Variants in HHAT observed in about 807,000 individuals in gnomAD.
HHAT encodes the protein protein-cysteine N-palmitoyltransferase HHAT.
A neutral mutation model predicts 70.8 loss-of-function variants in HHAT; 47 were observed. That is an observed-to-expected ratio of 0.66 (90% CI 0.53 to 0.85). The LOEUF (loss-of-function observed/expected upper bound fraction) is 0.85, where lower values mean the gene tolerates loss of function less well. HHAT is among the 40% of genes least tolerant of loss of function. HHAT has a pLI of 0.00. For missense variants in HHAT, 609 were observed against 604.8 expected (o/e 1.01, Z -0.07); for synonymous variants, 228 against 247.6 (o/e 0.92, Z 0.74).
intron 4 of HHAT, among the ~76,000 whole-genome samples, chr1:210,394,571 G>GGT (rs1482415114): frequency 2.0e-5 from 3 of 152,146 alleles, no homozygotes; most frequent in Admixed American, 2.0e-4. Context: ...AGACTGGCCT[G>GGT]GTGTAGGGTT....
intron 8 of HHAT, among the ~76,000 whole-genome samples, chr1:210,492,671 T>C (rs61828076): frequency 0.51 from 76,803 of 151,950 alleles, 19,719 homozygotes; most frequent in African/African-American, 0.59. Flanking sequence ...CACTTACTTA[T>C]TCTGTATTGT....
chr1:210,539,900 G>A (rs376507062), intron 9 of HHAT, among the ~76,000 whole-genome samples: 1 of 152,174 alleles, frequency 6.6e-6, no homozygotes, highest in African/African-American at 2.4e-5. Context: ...CTTCCTACAA[G>A]GGCATTCTCA....
chr1:210,616,870 A>G (rs4488079), intron 10 of HHAT, among the ~76,000 whole-genome samples: 25,097 of 152,272 alleles, frequency 0.16, 2,416 homozygotes, highest in East Asian at 0.39. Context: ...AGCTGCTCAC[A>G]CAGTGAATTT....
At chr1:210,598,311 G>A (rs1663473908) in intron 10 of HHAT, among the ~76,000 whole-genome samples, 1 of 151,948 alleles carries the variant, frequency 6.6e-6, no homozygotes, top group South Asian at 2.1e-4. Flanking sequence ...GACGGGTGAT[G>A]CAAGCACTCC....
intron 11 of HHAT, among the ~76,000 whole-genome samples, chr1:210,639,981 G>C (rs1488534343): frequency 1.3e-5 from 2 of 152,206 alleles, no homozygotes; most frequent in Non-Finnish European, 2.9e-5. Context: ...TGATTGGAAT[G>C]TTCCTTGTAC....
At chr1:210,674,233 A>T in intron 11 of HHAT, 55 bp from the exon 12 acceptor site, 1 of 1,438,764 alleles carries the variant, frequency 7.0e-7, no homozygotes, top group South Asian at 1.1e-5. Flanking sequence ...CCCATGTGGG[A>T]TGTCCTGCCC....
intron 9 of HHAT, among the ~76,000 whole-genome samples, chr1:210,570,496 C>T (rs1573407097): frequency 6.6e-6 from 1 of 152,140 alleles, no homozygotes; most frequent in Non-Finnish European, 1.5e-5. Flanking sequence ...GGAAAGAACA[C>T]GGAGGACTCT....
At chr1:210,590,950 GT>G (rs1661564602) in intron 10 of HHAT, among the ~76,000 whole-genome samples, 2 of 152,066 alleles carry the variant, frequency 1.3e-5, no homozygotes, top group African/African-American at 2.4e-5. Flanking sequence ...GTACATAGTA[GT>G]TGTTTGTATT....
chr1:210,558,645 G>A (rs2095594187), intron 9 of HHAT, among the ~76,000 whole-genome samples: 1 of 152,222 alleles, frequency 6.6e-6, no homozygotes, highest in Non-Finnish European at 1.5e-5. Flanking sequence ...GGTAGACAGA[G>A]CTTACAGGCT....
intron 11 of HHAT, among the ~76,000 whole-genome samples, chr1:210,629,453 G>A (rs907685516): frequency 5.9e-5 from 9 of 152,246 alleles, no homozygotes; most frequent in Non-Finnish European, 8.8e-5. Context: ...AGAGTTTCCA[G>A]GGCACTGAAC....
rs1677002202 is a variant in HHAT at position 210,658,734 on chromosome 1, T to A, written c.1391-15554T>A. On this transcript the variant is annotated intron_variant, in intron 11 of 11. Transcript: ENST00000261458. Reference sequence around the variant, plus strand: ...TAAAAGAAGAGAAATCACAACGAACTGTCTCTCAGACCACAGTGCAATCAA... The same window carrying A: ...TAAAAGAAGAGAAATCACAACGAACAGTCTCTCAGACCACAGTGCAATCAA... 2.0e-5 allele frequency among the ~76,000 whole-genome samples: 3 copies of A among 152,224 alleles called. No individual in the cohort carries two copies. In the South Asian group the frequency reaches 6.2e-4, roughly 31 times the overall value.
intron 9 of HHAT, among the ~76,000 whole-genome samples, chr1:210,553,504 A>G (rs1402775924): frequency 6.6e-6 from 1 of 152,192 alleles, no homozygotes; most frequent in African/African-American, 2.4e-5. Context: ...AGTGCAGAGT[A>G]ATAAGACCTA....
chr1:210,329,438 A>G (rs908184745), intron 1 of HHAT: 44 of 1,077,114 alleles, frequency 4.1e-5, no homozygotes, highest in Non-Finnish European at 4.9e-5. Flanking sequence ...TCTTGGCAGT[A>G]TCGGCGGTGC....
chr1:210,471,170 T>C (rs943477396), intron 8 of HHAT, among the ~76,000 whole-genome samples: 3 of 152,174 alleles, frequency 2.0e-5, no homozygotes, highest in African/African-American at 7.2e-5. Context: ...GGCTTCTCTC[T>C]GCAGCATGTG....
chr1:210,569,394 A>AAAAAAAAAAAAAAAAAAAAC (rs1655652004), intron 9 of HHAT, among the ~76,000 whole-genome samples: 1 of 148,314 alleles, frequency 6.7e-6, no homozygotes, highest in Non-Finnish European at 1.5e-5. Context: ...AAAAAAAAAA[A>AAAAAAAAAAAAAAAAAAAAC]AAAAAGCGTA....
At chr1:210,543,364 T>C (rs935671647) in intron 9 of HHAT, among the ~76,000 whole-genome samples, 1 of 151,996 alleles carries the variant, frequency 6.6e-6, no homozygotes, top group Non-Finnish European at 1.5e-5. Flanking sequence ...TTTTTTTTCC[T>C]TCTTTTTCTG....
chr1:210,347,556 T>G (rs1188588803), intron 1 of HHAT, among the ~76,000 whole-genome samples: 3 of 152,242 alleles, frequency 2.0e-5, no homozygotes, highest in African/African-American at 7.2e-5. Context: ...AACTCTTTGT[T>G]ACTTGGAACA....
chr1:210,532,610 A>G (rs1018616451), intron 9 of HHAT, among the ~76,000 whole-genome samples: 1 of 152,202 alleles, frequency 6.6e-6, no homozygotes, highest in South Asian at 2.1e-4. Context: ...TCCAAGAACC[A>G]TGACATTCTC....
chr1:210,638,808 G>A (rs1398563158), intron 11 of HHAT, among the ~76,000 whole-genome samples: 1 of 152,022 alleles, frequency 6.6e-6, no homozygotes, highest in Non-Finnish European at 1.5e-5. Flanking sequence ...TGGAGGCTGA[G>A]GTGGGAGGAT....
Sources: gnomAD v4.1 joint callset for allele counts (sites outside exome capture counted in the v4.1 genomes callset) on GRCh38, gnomAD v4.1.1 for gene constraint, MANE v1.5 for transcripts, NCBI Gene and HGNC (gene_info 2026-07-23, HGNC 2026-07-21) for gene names.